TRHDE: variants seen among roughly 807,000 people sequenced by gnomAD.
The protein encoded by TRHDE is thyrotropin-releasing hormone-degrading ectoenzyme.
A neutral mutation model predicts 125.7 loss-of-function variants in TRHDE; 72 were observed. The ratio of observed to expected loss-of-function variants is 0.57; its 90% CI spans 0.47 to 0.70. The LOEUF (loss-of-function observed/expected upper bound fraction) is 0.70. Ranked by LOEUF, TRHDE falls within the 30% of genes least tolerant of loss-of-function variation. The pLI is 0.00. For missense variants in TRHDE, 1,110 were observed against 1,327.1 expected, an observed-to-expected ratio of 0.84 and a Z score of 2.54; for synonymous variants, 509 against 509.1, an observed-to-expected ratio of 1.00 and a Z score of 0.00.
At chr12:72,563,207 C>A (rs184858429) in intron 9 of TRHDE, among the ~76,000 whole-genome samples, 167 bp downstream of exon 9, 2 of 151,946 alleles carry the variant, frequency 1.3e-5, no homozygotes, top group Admixed American at 1.3e-4. Context: ...CTCCCATTTC[C>A]TGGATATCTG....
At chr12:72,292,748 T>A (rs1343546810) in intron 2 of TRHDE, among the ~76,000 whole-genome samples, 1 of 152,168 alleles carries the variant, frequency 6.6e-6, no homozygotes, top group African/African-American at 2.4e-5. Context: ...CCTAGTCTAG[T>A]CCCAAAGTCA....
intron 15 of TRHDE, among the ~76,000 whole-genome samples, chr12:72,648,556 T>C (rs1296734717): frequency 6.6e-6 from 1 of 152,072 alleles, no homozygotes; most frequent in Non-Finnish European, 1.5e-5. Flanking sequence ...ATTTTCAGGA[T>C]ATAAAATCAA....
intron 1 of TRHDE, among the ~76,000 whole-genome samples, chr12:72,098,884 G>A (rs150056985): frequency 6.6e-6 from 1 of 152,220 alleles, no homozygotes; most frequent in Non-Finnish European, 1.5e-5. Context: ...ATAAATCACT[G>A]TCTGGGCTTC....
Position 72,469,740 on chromosome 12 carries a change from GTTTTA to G in TRHDE, c.1316-9_1316-5del. 1 of 1,612,440 alleles carries G rather than the reference GTTTTA, an allele frequency of 6.2e-7. No individual in the cohort carries two copies. Among genetic ancestry groups the G allele is most frequent in the Non-Finnish European group, 8.5e-7 (1 of 1,179,434 alleles). On this transcript the variant is annotated splice_polypyrimidine_tract_variant and intron_variant, in intron 3 of 18. Transcript: ENST00000261180. ...TGTCTTTGTTAAAGCCTTTGGAACT[GTTTTA>G]TTTTATTTCTAGATCTTTTAGCTGT...
At chr12:72,512,813 G>A (rs868770784) in intron 6 of TRHDE, among the ~76,000 whole-genome samples, 4 of 151,244 alleles carry the variant, frequency 2.6e-5, no homozygotes, top group African/African-American at 9.7e-5. Flanking sequence ...ATACAGGAAG[G>A]AAAAGGAGAC....
At chr12:72,190,474 T>A (rs552125785) in intron 2 of TRHDE, among the ~76,000 whole-genome samples, 1 of 152,330 alleles carries the variant, frequency 6.6e-6, no homozygotes, top group East Asian at 1.9e-4. Flanking sequence ...TTTGTCTGAA[T>A]GGTCAGAATC....
In TRHDE at chr12:72,097,440, A is replaced by ATTT. The variant is rs869290442; in HGVS notation, n.175-8183_175-8181dup. On this transcript the variant is annotated intron_variant and non_coding_transcript_variant, in intron 1 of 4. Coordinates refer to the TRHDE transcript ENST00000548156. ...CCTTGCAGTAGCATTTTCTCACTGA[A>ATTT]TTTTTTTTTTTTTTTTTTTTTTTTT... 1.2e-3 allele frequency among the ~76,000 whole-genome samples: 25 copies of ATTT among 21,634 alleles called. 1 individual carries two copies. Among genetic ancestry groups the ATTT allele is most frequent in the South Asian group, 7.6e-3 (5 of 656 alleles). 14.2% of individuals were successfully genotyped at this position (21,634 alleles called of 152,430 possible). A position where few individuals can be genotyped will look rare whatever the true frequency, so the allele number is the denominator to read the frequency against.
At chr12:72,538,918 C>G (rs1011935925) in intron 6 of TRHDE, among the ~76,000 whole-genome samples, 2 of 151,834 alleles carry the variant, frequency 1.3e-5, no homozygotes, top group African/African-American at 2.4e-5. Context: ...ATTCAAAGTC[C>G]TCTAAAAACT....
At chr12:72,470,044 T>G in intron 4 of TRHDE, 132 bp downstream of exon 4, 1 of 836,180 alleles carries the variant, frequency 1.2e-6, no homozygotes, top group South Asian at 2.0e-5. Context: ...GTGTAGTTCT[T>G]TCTGGAAGAT....
At chr12:72,598,976 A>C (rs1872096137) in intron 12 of TRHDE, among the ~76,000 whole-genome samples, 1 of 152,120 alleles carries the variant, frequency 6.6e-6, no homozygotes, top group African/African-American at 2.4e-5. Context: ...AAGTAAGAAA[A>C]TGCGGTATTT....
intron 2 of TRHDE, among the ~76,000 whole-genome samples, chr12:72,239,448 T>G (rs935107406): frequency 6.6e-6 from 1 of 152,194 alleles, no homozygotes; most frequent in Non-Finnish European, 1.5e-5. Flanking sequence ...GTTTTAGACA[T>G]GAAGTCTTTG....
intron 2 of TRHDE, among the ~76,000 whole-genome samples, chr12:72,170,190 G>A (rs1037762955): frequency 6.6e-6 from 1 of 152,108 alleles, no homozygotes; most frequent in African/African-American, 2.4e-5. Context: ...ACTTGTCAAG[G>A]GCTGGATTTC....
chr12:72,522,295 G>A (rs1210290160), intron 6 of TRHDE, among the ~76,000 whole-genome samples: 1 of 152,120 alleles, frequency 6.6e-6, no homozygotes, highest in African/African-American at 2.4e-5. Context: ...TTCTTTTTCA[G>A]TAGAGTTATT....
intron 7 of TRHDE, among the ~76,000 whole-genome samples, chr12:72,545,957 T>G (rs1869395118): frequency 6.6e-6 from 1 of 151,616 alleles, no homozygotes; most frequent in South Asian, 2.1e-4. Context: ...TGCATTTAGG[T>G]ATATTGGAGT....
chr12:72,180,005 A>C (rs544370666), intron 2 of TRHDE, among the ~76,000 whole-genome samples: 1 of 151,826 alleles, frequency 6.6e-6, no homozygotes, highest in African/African-American at 2.4e-5. Flanking sequence ...CTATCTAATA[A>C]ATAATTACTA....
chr12:72,656,408 G>C (rs1874711311), intron 17 of TRHDE, among the ~76,000 whole-genome samples: 1 of 151,930 alleles, frequency 6.6e-6, no homozygotes, highest in Non-Finnish European at 1.5e-5. Flanking sequence ...AATGAAATAA[G>C]AAAATGCATT....
At chr12:72,512,471 GTTATAA>G (rs1424858800) in intron 6 of TRHDE, among the ~76,000 whole-genome samples, 1 of 131,704 alleles carries the variant, frequency 7.6e-6, no homozygotes, top group Non-Finnish European at 1.6e-5. Flanking sequence ...ATATTATATA[GTTATAA>G]TTATATAATA....
chr12:72,328,164 G>A (rs1235158721), intron 2 of TRHDE, among the ~76,000 whole-genome samples: 1 of 152,132 alleles, frequency 6.6e-6, no homozygotes, highest in African/African-American at 2.4e-5. Context: ...TTCTGAAATT[G>A]ATGCTAGTTT....
At chr12:72,142,646 C>T (rs1255203103) in intron 2 of TRHDE, among the ~76,000 whole-genome samples, 1 of 152,076 alleles carries the variant, frequency 6.6e-6, no homozygotes, top group Non-Finnish European at 1.5e-5. Flanking sequence ...GCCTTTTGGC[C>T]CACCATGGCC....
Sources: allele counts gnomAD v4.1 joint callset (sites outside exome capture counted in the v4.1 genomes callset), GRCh38; gene constraint gnomAD v4.1.1; transcripts MANE v1.5; gene names NCBI Gene and HGNC (gene_info 2026-07-23, HGNC 2026-07-21).